Variants in DGKB observed in about 807,000 individuals in gnomAD.
The protein encoded by DGKB is diacylglycerol kinase beta, also known as 90 kDa diacylglycerol kinase.
In DGKB, 67 loss-of-function variants were observed where a neutral mutation model predicts 114.3. That is an observed-to-expected ratio of 0.59 (90% CI 0.48 to 0.72). DGKB has a LOEUF of 0.72. Among genes scored for constraint, DGKB ranks in the 30% least tolerant of loss-of-function variants. The pLI is 0.00. For missense variants in DGKB, 907 were observed against 975.2 expected (o/e 0.93, Z 0.93); for synonymous variants, 398 against 323.1 (o/e 1.23, Z -2.49).
chr7:14,434,100 T>C (rs920032473), intron 21 of DGKB, among the ~76,000 whole-genome samples: 2 of 152,180 alleles, frequency 1.3e-5, no homozygotes, highest in African/African-American at 2.4e-5. Context: ...TTTTGGAGTA[T>C]AAGATAGTTA....
chr7:14,310,087 A>G (rs553505609), intron 23 of DGKB, among the ~76,000 whole-genome samples: 2 of 152,320 alleles, frequency 1.3e-5, no homozygotes. Context: ...AGATGAAGGA[A>G]GAAGGGAACA....
intron 23 of DGKB, among the ~76,000 whole-genome samples, chr7:14,288,872 C>G (rs1335345397): frequency 3.3e-5 from 5 of 152,184 alleles, no homozygotes; most frequent in Admixed American, 2.0e-4. Context: ...TCAGAAAGAA[C>G]AGCCCACACC....
intron 1 of DGKB, among the ~76,000 whole-genome samples, chr7:14,925,150 A>C (rs1784686879): frequency 6.6e-6 from 1 of 152,208 alleles, no homozygotes; most frequent in Non-Finnish European, 1.5e-5. Flanking sequence ...TGGTTGCCCC[A>C]AAGTCTGTTC....
chr7:14,767,313 G>C (rs1276506569), intron 2 of DGKB, among the ~76,000 whole-genome samples: 2 of 151,838 alleles, frequency 1.3e-5, no homozygotes, highest in Admixed American at 6.6e-5. Flanking sequence ...TGGAGGCATG[G>C]ACAGTTTACC....
chr7:14,842,205 T>C (rs1016910097), intron 1 of DGKB, among the ~76,000 whole-genome samples: 1 of 152,218 alleles, frequency 6.6e-6, no homozygotes, highest in Admixed American at 6.5e-5. Context: ...TTTTGTAAAA[T>C]TGTAATCATT....
chr7:14,384,761 G>C (rs956208511), intron 21 of DGKB, among the ~76,000 whole-genome samples: 2 of 152,166 alleles, frequency 1.3e-5, no homozygotes, highest in Non-Finnish European at 2.9e-5. Context: ...GTAATATGTA[G>C]AGACCTTTTT....
intron 19 of DGKB, among the ~76,000 whole-genome samples, chr7:14,576,520 T>C (rs983411119): frequency 2.0e-5 from 3 of 151,992 alleles, no homozygotes; most frequent in Non-Finnish European, 4.4e-5. Context: ...AGGCATAAAT[T>C]AATTTGCATA....
At chr7:14,587,817 T>C (rs112194259) in intron 17 of DGKB, among the ~76,000 whole-genome samples, 6 of 152,268 alleles carry the variant, frequency 3.9e-5, no homozygotes, top group African/African-American at 1.4e-4. Flanking sequence ...TTAAGGTATA[T>C]ACATTTTTTA....
At chr7:14,547,433 T>C (rs978500098) in intron 20 of DGKB, among the ~76,000 whole-genome samples, 2 of 152,186 alleles carry the variant, frequency 1.3e-5, no homozygotes, top group Non-Finnish European at 2.9e-5. Context: ...AGATGAATTG[T>C]TAATCATTAC....
chr7:14,681,939 A>G (rs1007423204), intron 12 of DGKB, among the ~76,000 whole-genome samples: 1 of 152,102 alleles, frequency 6.6e-6, no homozygotes, highest in Non-Finnish European at 1.5e-5. Flanking sequence ...TGAAAGAGGA[A>G]GGCAACAATA....
rs190274299 is a variant in DGKB, at chr7:14,920,517, G to A, written c.-188+54179C>T. On this transcript the variant is annotated intron_variant, in intron 1 of 4. Transcript: ENST00000437998. ...AATACGCAATGCTGGTGAGGAAGTA[G>A]AACAACCAGAACTTCATTCATTGCT... 2.0e-3 allele frequency among the ~76,000 whole-genome samples: 307 copies of A among 152,308 alleles called. 3 individuals are homozygous for A. Among genetic ancestry groups the A allele is most frequent in the South Asian group, 9.7e-3 (47 of 4,828 alleles).
intron 20 of DGKB, among the ~76,000 whole-genome samples, chr7:14,500,053 T>C (rs1447793764): frequency 1.3e-5 from 2 of 151,912 alleles, no homozygotes; most frequent in Non-Finnish European, 1.5e-5. Flanking sequence ...GAGTTAATAT[T>C]CACAAATTCG....
chr7:14,645,918 C>A (rs551486148), intron 13 of DGKB, among the ~76,000 whole-genome samples: 25 of 152,024 alleles, frequency 1.6e-4, no homozygotes, highest in African/African-American at 5.3e-4. Context: ...GTTATTTCTA[C>A]AGAAAACAAG....
At chr7:14,676,096 C>A (rs1819805076) in intron 12 of DGKB, among the ~76,000 whole-genome samples, 1 of 152,006 alleles carries the variant, frequency 6.6e-6, no homozygotes, top group Non-Finnish European at 1.5e-5. Flanking sequence ...TTGCTGTGAA[C>A]TTAAAATTGC....
At chr7:14,581,661 T>G (rs994092981) in intron 18 of DGKB, among the ~76,000 whole-genome samples, 1 of 152,174 alleles carries the variant, frequency 6.6e-6, no homozygotes, top group African/African-American at 2.4e-5. Flanking sequence ...ATCACTTTCT[T>G]TTATTTGTTT....
At chr7:14,915,959 A>T (rs1587373875) in intron 1 of DGKB, among the ~76,000 whole-genome samples, 1 of 152,140 alleles carries the variant, frequency 6.6e-6, no homozygotes, top group East Asian at 1.9e-4. Flanking sequence ...TTCTTAATTA[A>T]TCTAATAGAT....
chr7:14,583,746 G>C (rs573415625), intron 17 of DGKB, among the ~76,000 whole-genome samples: 2 of 152,078 alleles, frequency 1.3e-5, no homozygotes, highest in Non-Finnish European at 2.9e-5. Flanking sequence ...CTAATTGCTG[G>C]GTCAGCTGCC....
chr7:14,402,205 G>C (rs1476033059), intron 21 of DGKB, among the ~76,000 whole-genome samples: 1 of 151,680 alleles, frequency 6.6e-6, no homozygotes, highest in Non-Finnish European at 1.5e-5. Flanking sequence ...AAGGAAGATT[G>C]CATCATTCTT....
Position 14,148,784 on chromosome 7 carries a change from A to G in DGKB, c.*347T>C, listed in dbSNP as rs1781757525. 6.2e-6 allele frequency: 2 copies of G among 321,630 alleles called. No homozygotes were observed. The highest frequency in any genetic ancestry group is 3.1e-5 in the South Asian group (1 of 32,034). 19.9% of individuals were successfully genotyped at this position (321,630 alleles called of 1,614,324 possible). On this transcript the variant is annotated 3_prime_UTR_variant, in exon 26 of 26. Transcript: ENST00000402815. ...AATCACACTGAGAATCACGTTTCCC[A>G]TGGTATTTCCTTTTTCATGTTTCAC...
Sources: gnomAD v4.1 joint callset for allele counts (sites outside exome capture counted in the v4.1 genomes callset) on GRCh38, gnomAD v4.1.1 for gene constraint, MANE v1.5 for transcripts, NCBI Gene and HGNC (gene_info 2026-07-23, HGNC 2026-07-21) for gene names.